Variants in SLC16A7 observed in about 807,000 individuals in gnomAD.
SLC16A7 encodes monocarboxylate transporter 2.
SLC16A7 carries 33 observed loss-of-function variants against 34.9 expected under a neutral mutation model. The ratio of observed to expected loss-of-function variants is 0.94; its 90% CI spans 0.72 to 1.26. The LOEUF is 1.26. SLC16A7 is among the 50% of genes most tolerant of loss of function. The probability of loss-of-function intolerance (pLI) is 0.00; values close to 1 mark genes in which losing one functional copy is unlikely to be tolerated. For missense variants in SLC16A7, 573 were observed against 578.1 expected, an observed-to-expected ratio of 0.99 and a Z score of 0.09; for synonymous variants, 201 against 206.6, an observed-to-expected ratio of 0.97 and a Z score of 0.23.
chr12:59,705,043 T>A, intron 3 of SLC16A7, 25 bp downstream of exon 3: 2 of 1,471,460 alleles, frequency 1.4e-6, no homozygotes, highest in Non-Finnish European at 1.9e-6. Context: ...ATAAATAGAA[T>A]CCTGAATTAA....
At chr12:59,708,048 C>T (rs1315601738) in intron 3 of SLC16A7, among the ~76,000 whole-genome samples, 1 of 152,078 alleles carries the variant, frequency 6.6e-6, no homozygotes, top group East Asian at 1.9e-4. Flanking sequence ...AGTTTCTAAT[C>T]TTTTAACCAA....
intron 3 of SLC16A7, among the ~76,000 whole-genome samples, chr12:59,751,036 GA>G (rs1168738693): frequency 8.5e-6 from 1 of 117,882 alleles, no homozygotes; most frequent in African/African-American, 3.1e-5. Flanking sequence ...ACAGGGAGGG[GA>G]ACATCACACA....
intron 2 of SLC16A7, among the ~76,000 whole-genome samples, chr12:59,671,626 T>A (rs530158837): frequency 1.3e-5 from 2 of 151,294 alleles, no homozygotes; most frequent in South Asian, 4.2e-4. Context: ...TGTTGTAAAG[T>A]TCTGCCTGTG....
At chr12:59,765,121 A>C (rs1242108269) in intron 3 of SLC16A7, among the ~76,000 whole-genome samples, 2 of 152,190 alleles carry the variant, frequency 1.3e-5, no homozygotes, top group East Asian at 3.8e-4. Flanking sequence ...TTGGCTGCAT[A>C]AATGTCTTCT....
chr12:59,659,941 G>A (rs1256282739), intron 2 of SLC16A7, among the ~76,000 whole-genome samples: 2 of 152,112 alleles, frequency 1.3e-5, no homozygotes, highest in Non-Finnish European at 2.9e-5. Context: ...CCAGCATATA[G>A]TTGAGAAGCC....
Position 59,615,375 on chromosome 12 carries a change from A to T in SLC16A7, c.-130+19139A>T, listed in dbSNP as rs142826182. On this transcript the variant is annotated intron_variant, in intron 1 of 5. Coordinates refer to ENST00000547379, the MANE Select transcript of SLC16A7 (RefSeq NM_001270623.2). The stretch of plus-strand genomic sequence containing the variant: ...TCTGAAAATGAAAAAAAAACCACAC[A>T]TCGTTCACCAATTTTTCAGTATAAT... Among the ~76,000 whole-genome samples, 730 of 152,282 alleles carry T rather than the reference A, an allele frequency of 4.8e-3. 4 individuals are homozygous for T. The highest frequency in any genetic ancestry group is 0.017 in the African/African-American group (688 of 41,568).
Position 59,786,345 on chromosome 12 carries a change from T to C in SLC16A7, c.*6666T>C, listed in dbSNP as rs1883622729. The stretch of plus-strand genomic sequence containing the variant: ...CTTTTGACTAAGACTTTAATTCTTA[T>C]ATGCATCTAAAATAAATGTTTTGAG... On this transcript the variant is annotated 3_prime_UTR_variant, in exon 6 of 6. Coordinates refer to ENST00000547379, the MANE Select transcript of SLC16A7 (RefSeq NM_001270623.2). 6.6e-6 allele frequency: 1 copy of C among 151,136 alleles called. No homozygotes were observed. Among genetic ancestry groups the C allele is most frequent in the Non-Finnish European group, 1.5e-5 (1 of 67,992 alleles). 9.4% of individuals were successfully genotyped at this position (151,136 alleles called of 1,614,324 possible). A position where few individuals can be genotyped will look rare whatever the true frequency, so the allele number is the denominator to read the frequency against.
rs1199617614 is a variant in SLC16A7, at chr12:59,775,095, T to C, written c.800T>C (p.Phe267Ser). ...CTAGGTTTTTTTGCCCCCATTATAT[T>C]CTTGGCTCCATATGCTAAAGACCAA... ...MFLGFFAPIIFLAPYAKDQGI... is the reference protein window; with the variant it reads ...MFLGFFAPIISLAPYAKDQGI... The change falls in exon 5 of 6, where the codon TTC becomes TCC. Residue 267 changes from phenylalanine (F) to serine (S), a missense_variant. By Grantham distance (155) the Phe-to-Ser change is radical (BLOSUM62 -2). Coordinates refer to ENST00000547379, the MANE Select transcript of SLC16A7 (RefSeq NM_001270623.2). The C allele has an allele frequency of 1.2e-6, 2 of 1,614,060 alleles. No individual in the cohort carries two copies. Among genetic ancestry groups the C allele is most frequent in the Non-Finnish European group, 1.7e-6 (2 of 1,180,020 alleles).
chr12:59,779,585 C>T lies in SLC16A7; in HGVS notation c.1343C>T (p.Ser448Phe), dbSNP rs781759843. 2 of 1,612,208 alleles carry T rather than the reference C, an allele frequency of 1.2e-6. No individual in the cohort carries two copies. The highest frequency in any genetic ancestry group is 1.3e-5 in the African/African-American group (1 of 74,960). Residue 448 changes from serine to phenylalanine, a missense_variant, in exon 6 of 6, where the codon TCT becomes TTT. Ser to Phe is a radical substitution (Grantham distance 155, BLOSUM62 -2). Coordinates refer to ENST00000547379, the MANE Select transcript of SLC16A7 (RefSeq NM_001270623.2). ...EENARQKTRE[S>F]EPLSKSKHSE... ...AATGCAAGGCAGAAGACCAGAGAAT[C>T]TGAACCCTTGAGCAAATCTAAACAT...
intron 2 of SLC16A7, among the ~76,000 whole-genome samples, chr12:59,680,427 AT>A (rs1468099005): frequency 6.6e-6 from 1 of 152,162 alleles, no homozygotes; most frequent in Non-Finnish European, 1.5e-5. Flanking sequence ...CTTGATTGCT[AT>A]TGTGTTCTGG....
chr12:59,636,128 T>G (rs1307382223), intron 1 of SLC16A7, among the ~76,000 whole-genome samples: 1 of 152,008 alleles, frequency 6.6e-6, no homozygotes, highest in South Asian at 2.1e-4. Flanking sequence ...TTAGGCTTCA[T>G]GAACTCGTGA....
At chr12:59,645,471 ATTC>A (rs1024994911) in intron 1 of SLC16A7, among the ~76,000 whole-genome samples, 9 of 152,080 alleles carry the variant, frequency 5.9e-5, no homozygotes, top group East Asian at 1.9e-4. Context: ...CTTGTGTCAC[ATTC>A]TTCTTCTTCC....
chr12:59,786,823 C>T lies in SLC16A7; in HGVS notation c.*7144C>T, dbSNP rs867985812. Reference sequence around the variant, plus strand: ...TTTTTCTCCATTGCACTACAGAAGCCGTAAGGTCATAATGATGATCTTTGT... The same window carrying T: ...TTTTTCTCCATTGCACTACAGAAGCTGTAAGGTCATAATGATGATCTTTGT... On this transcript the variant is annotated 3_prime_UTR_variant, in exon 6 of 6. Coordinates refer to ENST00000547379, the MANE Select transcript of SLC16A7 (RefSeq NM_001270623.2). The T allele has an allele frequency of 1.3e-5, 2 of 151,984 alleles. No homozygotes were observed. The highest frequency in any genetic ancestry group is 4.8e-5 in the African/African-American group (2 of 41,414). 9.4% of individuals were successfully genotyped at this position (151,984 alleles called of 1,614,324 possible).
chr12:59,616,121 C>T (rs1418228820), intron 1 of SLC16A7, among the ~76,000 whole-genome samples: 1 of 152,192 alleles, frequency 6.6e-6, no homozygotes, highest in Non-Finnish European at 1.5e-5. Flanking sequence ...TGTTGCTTTA[C>T]CACCTTGGGC....
intron 2 of SLC16A7, among the ~76,000 whole-genome samples, chr12:59,677,299 A>T (rs1426791689): frequency 6.6e-6 from 1 of 152,136 alleles, no homozygotes; most frequent in Non-Finnish European, 1.5e-5. Context: ...AAAATTTGAA[A>T]ATTGAACATT....
intron 2 of SLC16A7, among the ~76,000 whole-genome samples, chr12:59,702,723 T>C (rs1398662384): frequency 6.6e-6 from 1 of 152,116 alleles, no homozygotes; most frequent in Non-Finnish European, 1.5e-5. Context: ...AGCAGATGCC[T>C]ATGACCATTT....
chr12:59,700,414 TTA>T (rs1241713298), intron 2 of SLC16A7, among the ~76,000 whole-genome samples: 1 of 150,638 alleles, frequency 6.6e-6, no homozygotes, highest in East Asian at 1.9e-4. Flanking sequence ...GTTTCCAAGA[TTA>T]TATATGTCAT....
intron 2 of SLC16A7, among the ~76,000 whole-genome samples, chr12:59,679,140 T>G (rs1179437047): frequency 6.6e-6 from 1 of 152,106 alleles, no homozygotes; most frequent in Non-Finnish European, 1.5e-5. Flanking sequence ...ACAGTGTGGC[T>G]TGGGTGGTTG....
At chr12:59,758,780 T>C (rs1396963563) in intron 3 of SLC16A7, among the ~76,000 whole-genome samples, 1 of 152,110 alleles carries the variant, frequency 6.6e-6, no homozygotes, top group African/African-American at 2.4e-5. Context: ...TGCCACTTTG[T>C]TTTAAGATAA....
Sources: gnomAD v4.1 joint callset for allele counts (sites outside exome capture counted in the v4.1 genomes callset) on GRCh38, gnomAD v4.1.1 for gene constraint, MANE v1.5 for transcripts, NCBI Gene and HGNC (gene_info 2026-07-23, HGNC 2026-07-21) for gene names.